Variants in PLCE1 observed in about 807,000 individuals in gnomAD.
PLCE1 encodes the protein phospholipase C epsilon 1.
Under a neutral mutation model 242.8 loss-of-function variants are expected in PLCE1, and 119 were observed. The observed-to-expected ratio is 0.49, with a 90% CI of 0.42 to 0.57. The LOEUF (loss-of-function observed/expected upper bound fraction) is 0.57. Ranked by LOEUF, PLCE1 falls within the 20% of genes least tolerant of loss-of-function variation. The pLI is 0.00. For synonymous variants in PLCE1, 945 were observed against 1,017.4 expected, an observed-to-expected ratio of 0.93 and a Z score of 1.35; for missense variants, 2,441 against 2,788.8, an observed-to-expected ratio of 0.88 and a Z score of 2.81.
chr10:94,220,609 T>A (rs1488571000), intron 4 of PLCE1, among the ~76,000 whole-genome samples: 1 of 151,562 alleles, frequency 6.6e-6, no homozygotes, highest in African/African-American at 2.4e-5. Flanking sequence ...GATTTAGAGA[T>A]TCCAGTCTTC....
At chr10:94,062,586 TTTTTTTTGTTTTGTTTTG>T in intron 2 of PLCE1, among the ~76,000 whole-genome samples, 1 of 115,940 alleles carries the variant, frequency 8.6e-6, no homozygotes, top group South Asian at 2.4e-4. Context: ...GGTTTTGTTT[TTTTTTTTGTTTTGTTTTG>T]TTTTTTTTTT....
At chr10:94,034,733 A>G (rs1191699271) in intron 2 of PLCE1, among the ~76,000 whole-genome samples, 1 of 152,158 alleles carries the variant, frequency 6.6e-6, no homozygotes, top group Non-Finnish European at 1.5e-5. Context: ...TTTGAATCAG[A>G]ATCACTGGGG....
chr10:94,289,536 A>G (rs1589484465), intron 22 of PLCE1, among the ~76,000 whole-genome samples: 1 of 152,238 alleles, frequency 6.6e-6, no homozygotes, highest in Admixed American at 6.5e-5. Flanking sequence ...CCTGCTACAC[A>G]CCTAGGCTAG....
intron 2 of PLCE1, among the ~76,000 whole-genome samples, chr10:94,061,782 A>G (rs1311937212): frequency 2.0e-5 from 3 of 152,182 alleles, no homozygotes; most frequent in African/African-American, 4.8e-5. Context: ...TTTATCCAAT[A>G]TATTTAAATT....
rs1301299490 is a variant in PLCE1 at position 94,255,056 on chromosome 10, CCTTAA to C, written c.3554+9_3554+13del. ...CAAACAAGAGCCCATCCAGGTGGGGCCTTAACATGATAAAACAGAAGGACCCTTCA... is the reference window on the plus strand; with the variant it reads ...CAAACAAGAGCCCATCCAGGTGGGGCCATGATAAAACAGAAGGACCCTTCA... On this transcript the variant is annotated splice_region_variant and intron_variant, in intron 11 of 32. Coordinates refer to ENST00000371380, the MANE Select transcript of PLCE1 (RefSeq NM_016341.4). 1.1e-5 allele frequency: 18 copies of C among 1,613,688 alleles called. No individual in the cohort carries two copies. The highest frequency in any genetic ancestry group is 1.5e-5 in the Non-Finnish European group (18 of 1,179,830).
At chr10:94,029,690 A>G (rs903147633) in intron 1 of PLCE1, among the ~76,000 whole-genome samples, 1 of 152,102 alleles carries the variant, frequency 6.6e-6, no homozygotes, top group South Asian at 2.1e-4. Flanking sequence ...GCTTGAGGGA[A>G]CACATATAGA....
Position 94,258,797 on chromosome 10 carries a change from C to T in PLCE1, c.3555-3C>T, listed in dbSNP as rs376427660. The stretch of plus-strand genomic sequence containing the variant: ...GCCCATGAAGGCCTTGTCTTTGTTG[C>T]AGTGCTTGGAGCAGTAGTAGCTGGC... On this transcript the variant is annotated splice_region_variant and splice_polypyrimidine_tract_variant and intron_variant, in intron 11 of 32. Coordinates refer to ENST00000371380, the MANE Select transcript of PLCE1 (RefSeq NM_016341.4). 30 of 1,613,916 alleles carry T rather than the reference C, an allele frequency of 1.9e-5. No individual in the cohort carries two copies. The highest frequency in any genetic ancestry group is 2.4e-5 in the Non-Finnish European group (28 of 1,179,952).
At chr10:94,044,020 T>G (rs1173087502) in intron 2 of PLCE1, among the ~76,000 whole-genome samples, 1 of 152,200 alleles carries the variant, frequency 6.6e-6, no homozygotes. Context: ...AGTGCAAATC[T>G]AATTGGTTGC....
intron 2 of PLCE1, among the ~76,000 whole-genome samples, chr10:94,087,348 T>G (rs1456681402): frequency 3.4e-5 from 2 of 58,518 alleles, no homozygotes; most frequent in Non-Finnish European, 5.5e-5. Flanking sequence ...AGACCCTGTC[T>G]CAAAAAAAAA....
chr10:94,144,406 T>C (rs1336741620), intron 3 of PLCE1, among the ~76,000 whole-genome samples: 1 of 152,172 alleles, frequency 6.6e-6, no homozygotes, highest in African/African-American at 2.4e-5. Context: ...TTTTCCCACA[T>C]ACCTGCTGCC....
intron 2 of PLCE1, among the ~76,000 whole-genome samples, chr10:94,101,373 A>G (rs1022315851): frequency 1.3e-5 from 2 of 152,244 alleles, no homozygotes; most frequent in Non-Finnish European, 2.9e-5. Context: ...TTCAGTCCTT[A>G]TTAGGTTGCA....
At chr10:94,203,069 T>A (rs1388673696) in intron 4 of PLCE1, among the ~76,000 whole-genome samples, 1 of 152,234 alleles carries the variant, frequency 6.6e-6, no homozygotes, top group Non-Finnish European at 1.5e-5. Flanking sequence ...TGTGAAGCCT[T>A]TTTAAATATC....
chr10:94,220,860 C>T (rs188476682), intron 4 of PLCE1, among the ~76,000 whole-genome samples: 1 of 152,302 alleles, frequency 6.6e-6, no homozygotes, highest in African/African-American at 2.4e-5. Flanking sequence ...GGGGCACGCA[C>T]AGGAAACGGT....
At chr10:94,327,147 C>G (rs763565280) in intron 32 of PLCE1, among the ~76,000 whole-genome samples, 1 of 152,040 alleles carries the variant, frequency 6.6e-6, no homozygotes, top group Non-Finnish European at 1.5e-5. Context: ...AGCGACAGAG[C>G]GAGACTCCGT....
At chr10:94,109,036 C>T (rs2045860088) in intron 2 of PLCE1, 1 of 152,156 alleles carries the variant, frequency 6.6e-6, no homozygotes. Flanking sequence ...CAAGCAGAAA[C>T]CCAGGTCCTC....
At chr10:94,021,231 GTTTT>G (rs34518277) in intron 1 of PLCE1, among the ~76,000 whole-genome samples, 3 of 121,264 alleles carry the variant, frequency 2.5e-5, no homozygotes, top group Admixed American at 8.2e-5. Flanking sequence ...CTTCTTAATG[GTTTT>G]TTTTTTTTTT....
intron 8 of PLCE1, among the ~76,000 whole-genome samples, chr10:94,249,477 A>G (rs1465431570): frequency 6.6e-6 from 1 of 152,210 alleles, no homozygotes; most frequent in African/African-American, 2.4e-5. Flanking sequence ...TTTGTGAAAC[A>G]ATGTTTGGGT....
intron 2 of PLCE1, chr10:94,099,741 A>C (rs1451928565): frequency 6.6e-6 from 1 of 152,238 alleles, no homozygotes; most frequent in Non-Finnish European, 1.5e-5. Context: ...AGGAATGTGG[A>C]AAATGGAGAC....
At chr10:94,171,974 T>C (rs1356389151) in intron 4 of PLCE1, among the ~76,000 whole-genome samples, 3 of 152,186 alleles carry the variant, frequency 2.0e-5, no homozygotes, top group Non-Finnish European at 4.4e-5. Context: ...CGTGGGGCAA[T>C]TCATTGAGGG....
Sources: allele counts gnomAD v4.1 joint callset (sites outside exome capture counted in the v4.1 genomes callset), GRCh38; gene constraint gnomAD v4.1.1; transcripts MANE v1.5; gene names NCBI Gene and HGNC (gene_info 2026-07-23, HGNC 2026-07-21).